Variants in EFTUD2 observed in about 807,000 individuals in gnomAD.
EFTUD2 encodes the protein elongation factor Tu GTP binding domain containing 2, also known as 116 kDa U5 small nuclear ribonucleoprotein component.
A neutral mutation model predicts 114.3 loss-of-function variants in EFTUD2; 9 were observed. That is an observed-to-expected ratio of 0.08 (90% CI 0.05 to 0.14). The LOEUF (loss-of-function observed/expected upper bound fraction) is 0.14. Among genes scored for constraint, EFTUD2 ranks in the 10% least tolerant of loss-of-function variants. EFTUD2 has a pLI of 1.00. For missense variants in EFTUD2, 765 were observed against 1,241.2 expected, an observed-to-expected ratio of 0.62 and a Z score of 5.76; for synonymous variants, 449 against 462.3, an observed-to-expected ratio of 0.97 and a Z score of 0.37.
At chr17:44,878,008 C>T (rs1402131784) in intron 9 of EFTUD2, among the ~76,000 whole-genome samples, 3 of 151,940 alleles carry the variant, frequency 2.0e-5, no homozygotes, top group East Asian at 1.9e-4. Flanking sequence ...TGGTGGCGTG[C>T]ACCTGTAATC....
intron 15 of EFTUD2, chr17:44,863,411 G>T: frequency 2.4e-6 from 1 of 410,856 alleles, no homozygotes; most frequent in East Asian, 4.4e-5. Context: ...CATAACAACC[G>T]CTCACATTTT....
chr17:44,898,782 T>C (rs556958293), intron 1 of EFTUD2, among the ~76,000 whole-genome samples: 2 of 152,248 alleles, frequency 1.3e-5, no homozygotes, highest in South Asian at 4.1e-4. Flanking sequence ...ACTAGCTGAC[T>C]TGTATCTAGT....
rs60319837 is a variant in EFTUD2, at chr17:44,894,067, C to CAA, written c.105+348_105+349dup. ...CCTGGGCAACAGGGTGAGACTGTCT[C>CAA]AAAAAAAAAAAAAAGAAAAAAGAGG... On this transcript the variant is annotated intron_variant, in intron 2 of 27. Transcript: ENST00000426333. The CAA allele has an allele frequency of 9.0e-3, 1,420 of 157,736 alleles. 15 individuals carry two copies. The highest frequency in any genetic ancestry group is 0.075 in the East Asian group (466 of 6,184). The allele number at this position is 157,736 out of a possible 1,614,324, so 9.8% of individuals were successfully genotyped here. A position where few individuals can be genotyped will look rare whatever the true frequency, so the allele number is the denominator to read the frequency against.
intron 18 of EFTUD2, 71 bp from the exon 19 acceptor site, chr17:44,859,252 G>A: frequency 2.8e-6 from 3 of 1,090,812 alleles, no homozygotes; most frequent in Non-Finnish European, 4.3e-6. Flanking sequence ...CAAAATCAAG[G>A]CCAGAGCAGA....
chr17:44,883,205 T>G (rs751560175), intron 5 of EFTUD2, 47 bp from the exon 6 acceptor site: 5 of 1,585,218 alleles, frequency 3.2e-6, no homozygotes, highest in Non-Finnish European at 4.3e-6. Context: ...AGAGGAAAAT[T>G]TACTGTGCCC....
At chr17:44,887,940 G>A (rs1717106847) in intron 2 of EFTUD2, among the ~76,000 whole-genome samples, 1 of 152,192 alleles carries the variant, frequency 6.6e-6, no homozygotes, top group Non-Finnish European at 1.5e-5. Flanking sequence ...CACCCTTTAA[G>A]TCCTAAAACA....
At chr17:44,863,550 A>G (rs1040915033) in intron 15 of EFTUD2, 105 bp downstream of exon 15, 15 of 1,486,842 alleles carry the variant, frequency 1.0e-5, no homozygotes, top group African/African-American at 1.4e-5. Flanking sequence ...GGGGATGGGG[A>G]GGCAAGGGTG....
Position 44,860,507 on chromosome 17 carries a change from G to A in EFTUD2, c.1644C>T (p.Asn548=), listed in dbSNP as rs2050635985. 6 of 1,613,888 alleles carry A rather than the reference G, an allele frequency of 3.7e-6. No individual in the cohort carries two copies. Among genetic ancestry groups the A allele is most frequent in the Non-Finnish European group, 5.1e-6 (6 of 1,179,958 alleles). The change falls in exon 17 of 28, where the codon AAC becomes AAT. Residue 548 remains asparagine (N), a synonymous_variant. Coordinates refer to ENST00000426333, the MANE Select transcript of EFTUD2 (RefSeq NM_004247.4). The stretch of plus-strand genomic sequence containing the variant: ...GATCAACACCTTCAATCAGAACCCA[G>A]TTGCCAGCAGGAACACGGTTCACCT... ...HIEVNRVPAG[N]WVLIEGVDQP... is the part of the protein sequence containing the mutation.
At chr17:44,882,595 A>G (rs1434482412) in intron 6 of EFTUD2, among the ~76,000 whole-genome samples, 1 of 152,200 alleles carries the variant, frequency 6.6e-6, no homozygotes, top group Non-Finnish European at 1.5e-5. Flanking sequence ...TAGCTGAGAG[A>G]TAATTTATAT....
chr17:44,850,099 G>T lies in EFTUD2; in HGVS notation c.*1175C>A, dbSNP rs541314954. 3 of 442,534 alleles carry T rather than the reference G, an allele frequency of 6.8e-6. No homozygotes were observed. In the Admixed American group the frequency reaches 1.0e-4, roughly 15 times the overall value. 27.4% of individuals were successfully genotyped at this position (442,534 alleles called of 1,614,324 possible). On this transcript the variant is annotated 3_prime_UTR_variant, in exon 28 of 28. Coordinates refer to ENST00000426333, the MANE Select transcript of EFTUD2 (RefSeq NM_004247.4). ...TGCCTACCTTGCAGGCTGCTGTGAG[G>T]TTTCTCAGATACACAATACATGTGA... is the stretch of plus-strand genomic sequence containing the variant.
chr17:44,875,722 T>G, intron 10 of EFTUD2: 1 of 446,186 alleles, frequency 2.2e-6, no homozygotes, highest in Non-Finnish European at 4.0e-6. Context: ...AGAGAAGAAA[T>G]TAATACAGCC....
chr17:44,895,567 C>T (rs929148418), intron 1 of EFTUD2, among the ~76,000 whole-genome samples: 3 of 151,892 alleles, frequency 2.0e-5, no homozygotes, highest in Non-Finnish European at 4.4e-5. Context: ...TTACAGTTGC[C>T]TTCACACTGT....
At chr17:44,862,596 T>A in intron 16 of EFTUD2, 117 bp downstream of exon 16, 2 of 975,196 alleles carry the variant, frequency 2.1e-6, no homozygotes, top group Non-Finnish European at 1.5e-6. Context: ...AGCCACTTTA[T>A]CCCCTCTTGC....
Position 44,854,120 on chromosome 17 carries a change from G to C in EFTUD2, c.2347+149C>G. The C allele has an allele frequency of 7.0e-7, 1 of 1,427,452 alleles. No homozygotes were observed. The highest frequency in any genetic ancestry group is 9.3e-7 in the Non-Finnish European group (1 of 1,078,054). The allele number at this position is 1,427,452 out of a possible 1,614,324, so 88.4% of individuals were successfully genotyped here. A position where few individuals can be genotyped will look rare whatever the true frequency, so the allele number is the denominator to read the frequency against. On this transcript the variant is annotated intron_variant, in intron 23 of 27. Transcript: ENST00000426333. The surrounding 1 kb of genome is among the most constrained non-coding windows in gnomAD (Gnocchi z 4.3). The stretch of plus-strand genomic sequence containing the variant: ...ACACCACCAGGATAAGGAAGGAAAA[G>C]GGAAGAAGCTGGCCCAGGACTTGGG...
intron 16 of EFTUD2, among the ~76,000 whole-genome samples, chr17:44,861,432 GA>G (rs35487111): frequency 0.47 from 46,538 of 100,052 alleles, 9,322 homozygotes; most frequent in Middle Eastern, 0.57. Context: ...CTGACAGAGA[GA>G]AAAAAAAAAA....
chr17:44,873,584 T>C (rs77367896), intron 10 of EFTUD2, among the ~76,000 whole-genome samples: 4,233 of 152,096 alleles, frequency 0.028, 206 homozygotes, highest in African/African-American at 0.095. Flanking sequence ...ACTCTTGGGC[T>C]CAAGCAATAT....
intron 11 of EFTUD2, among the ~76,000 whole-genome samples, chr17:44,871,989 C>G (rs556317085): frequency 6.6e-6 from 1 of 152,148 alleles, no homozygotes; most frequent in African/African-American, 2.4e-5. Context: ...TGATATCATG[C>G]GGCTGGGCAT....
rs1307223826 is a variant in EFTUD2, at chr17:44,873,732, C to CT, written c.870-1163dup. Among the ~76,000 whole-genome samples, 696 of 133,256 alleles carry CT rather than the reference C, an allele frequency of 5.2e-3. 1 individual carries two copies. The highest frequency in any genetic ancestry group is 6.5e-3 in the East Asian group (29 of 4,478). 87.4% of individuals were successfully genotyped at this position (133,256 alleles called of 152,430 possible). ...AAGTTCAGCTCTATCCCACTTCCTACTTTTTTTTTTTTTTTTTGAGATGGA... is the reference window on the plus strand; with the variant it reads ...AAGTTCAGCTCTATCCCACTTCCTACTTTTTTTTTTTTTTTTTTGAGATGGA... On this transcript the variant is annotated intron_variant, in intron 10 of 27. Transcript: ENST00000426333.
At chr17:44,879,977 G>C (rs1327667447) in intron 8 of EFTUD2, among the ~76,000 whole-genome samples, 1 of 152,168 alleles carries the variant, frequency 6.6e-6, no homozygotes, top group Non-Finnish European at 1.5e-5. Flanking sequence ...GCAAAGCAGG[G>C]CCTGGAGCAC....
Sources: gnomAD v4.1 joint callset for allele counts (sites outside exome capture counted in the v4.1 genomes callset) on GRCh38, gnomAD v4.1.1 for gene constraint, Gnocchi (gnomAD v3.1) non-coding constraint, MANE v1.5 for transcripts, NCBI Gene and HGNC (gene_info 2026-07-23, HGNC 2026-07-21) for gene names.